SPMAP2L: variants seen among roughly 807,000 people sequenced by gnomAD.
SPMAP2L encodes the protein sperm microtubule associated protein 2 like.
chr4:56,535,060 A>G, the SPMAP2L span, among the ~76,000 whole-genome samples: 1 of 152,214 alleles, frequency 6.6e-6, no homozygotes, highest in Non-Finnish European at 1.5e-5. Context: ...CCATTTATTT[A>G]TCCAGGTGCC....
chr4:56,530,760 C>T, the SPMAP2L span: 2 of 1,535,372 alleles, frequency 1.3e-6, no homozygotes, highest in South Asian at 1.2e-5. Context: ...CCACTTGCTC[C>T]GAAGTCTTCC....
At chr4:56,571,518 C>T in the SPMAP2L span, among the ~76,000 whole-genome samples, 2 of 151,696 alleles carry the variant, frequency 1.3e-5, no homozygotes, top group African/African-American at 2.4e-5. Flanking sequence ...GGCTTTGCCA[C>T]GTTGCCCAGG....
the SPMAP2L span, among the ~76,000 whole-genome samples, chr4:56,590,318 A>G: frequency 6.6e-6 from 1 of 152,290 alleles, no homozygotes; most frequent in Non-Finnish European, 1.5e-5. Context: ...ATTGACTTGC[A>G]TGTGTTAAAC....
At chr4:56,567,442 GTT>G in the SPMAP2L span, among the ~76,000 whole-genome samples, 289 of 65,570 alleles carry the variant, frequency 4.4e-3, 4 homozygotes, top group African/African-American at 0.014. Context: ...AATTTTGGTG[GTT>G]TTTTTTTTTT....
the SPMAP2L span, among the ~76,000 whole-genome samples, chr4:56,607,142 C>T: frequency 9.2e-5 from 14 of 152,036 alleles, no homozygotes; most frequent in South Asian, 4.2e-4. Flanking sequence ...AAACTGAATC[C>T]TCAATGCAAT....
At chr4:56,606,724 C>T in the SPMAP2L span, among the ~76,000 whole-genome samples, 1 of 152,248 alleles carries the variant, frequency 6.6e-6, no homozygotes, top group East Asian at 1.9e-4. Flanking sequence ...GACCAGACCA[C>T]GTAGGGCACT....
At chr4:56,600,184 A>C in the SPMAP2L span, among the ~76,000 whole-genome samples, 2 of 135,400 alleles carry the variant, frequency 1.5e-5, no homozygotes, top group African/African-American at 5.7e-5. Context: ...GGCTCAAATG[A>C]TCTGCTCACC....
the SPMAP2L span, among the ~76,000 whole-genome samples, chr4:56,617,565 G>T: frequency 6.6e-6 from 1 of 152,108 alleles, no homozygotes; most frequent in Admixed American, 6.5e-5. Flanking sequence ...AGGGTGTTGG[G>T]CTCTGACCCC....
the SPMAP2L span, among the ~76,000 whole-genome samples, chr4:56,565,179 T>C: frequency 6.6e-6 from 1 of 152,206 alleles, no homozygotes; most frequent in Admixed American, 6.5e-5. Flanking sequence ...TAGGCCAAGT[T>C]GGTTGGTAGT....
At chr4:56,603,214 C>T in the SPMAP2L span, 1 of 1,522,476 alleles carries the variant, frequency 6.6e-7, no homozygotes, top group Non-Finnish European at 8.8e-7. Context: ...TTCAGGGCTC[C>T]TGTGCGTATT....
the SPMAP2L span, among the ~76,000 whole-genome samples, chr4:56,588,255 C>G: frequency 2.0e-5 from 3 of 152,218 alleles, no homozygotes; most frequent in East Asian, 5.8e-4. Flanking sequence ...TTTTCTCCCA[C>G]TCTGTGGGTT....
the SPMAP2L span, among the ~76,000 whole-genome samples, chr4:56,601,727 A>G: frequency 6.6e-6 from 1 of 150,994 alleles, no homozygotes; most frequent in African/African-American, 2.4e-5. Context: ...TCTGCACTCC[A>G]GCCCAGGCAG....
At chr4:56,603,350 C>T in the SPMAP2L span, 155 of 1,490,594 alleles carry the variant, frequency 1.0e-4, no homozygotes, top group East Asian at 3.7e-3. Context: ...CAGTCAGACC[C>T]TGGTTATGTA....
the SPMAP2L span, among the ~76,000 whole-genome samples, chr4:56,588,620 G>A: frequency 1.9e-3 from 291 of 152,116 alleles, 1 homozygote; most frequent in African/African-American, 6.6e-3. Flanking sequence ...TAGTAGAGAT[G>A]GGGTTTCTCT....
At chr4:56,573,513 C>T in the SPMAP2L span, among the ~76,000 whole-genome samples, 121 of 152,220 alleles carry the variant, frequency 7.9e-4, 1 homozygote, top group Middle Eastern at 3.4e-3. Flanking sequence ...GCCTTTGTGC[C>T]GCTCATTGGC....
the SPMAP2L span, chr4:56,552,649 T>C: frequency 8.7e-7 from 1 of 1,144,816 alleles, no homozygotes. Flanking sequence ...TTTGTGATGA[T>C]TGTGTTCATT....
chr4:56,620,950 A>G, the SPMAP2L span, among the ~76,000 whole-genome samples: 3 of 152,188 alleles, frequency 2.0e-5, no homozygotes, highest in Non-Finnish European at 4.4e-5. Flanking sequence ...GACATCTGAA[A>G]TTCTGTGAGT....
the SPMAP2L span, among the ~76,000 whole-genome samples, chr4:56,580,895 C>A: frequency 6.6e-6 from 1 of 151,846 alleles, no homozygotes; most frequent in Non-Finnish European, 1.5e-5. Flanking sequence ...TCAAAAAGAA[C>A]AAAATTATAC....
the SPMAP2L span, among the ~76,000 whole-genome samples, chr4:56,548,184 A>T: frequency 1.4e-4 from 21 of 152,084 alleles, no homozygotes; most frequent in Non-Finnish European, 2.8e-4. Context: ...TTAAAGAAAA[A>T]TCTCATTTTT....
Sources: allele counts gnomAD v4.1 joint callset (sites outside exome capture counted in the v4.1 genomes callset), GRCh38; gene constraint gnomAD v4.1.1; transcripts MANE v1.5; gene names NCBI Gene and HGNC (gene_info 2026-07-23, HGNC 2026-07-21).